Variants in NEK1 observed in about 807,000 individuals in gnomAD.
The protein encoded by NEK1 is NIMA related kinase 1, also known as serine/threonine-protein kinase Nek1.
A neutral mutation model predicts 182.1 loss-of-function variants in NEK1; 137 were observed. That is an observed-to-expected ratio of 0.75 (90% CI 0.65 to 0.87). The LOEUF (loss-of-function observed/expected upper bound fraction) is 0.87. NEK1 is among the 40% of genes least tolerant of loss of function. The pLI, the probability that NEK1 is intolerant of heterozygous loss-of-function variation, is 0.00. For missense variants in NEK1, 1,391 were observed against 1,494.4 expected (o/e 0.93, Z 1.14); for synonymous variants, 513 against 492.2 (o/e 1.04, Z -0.56).
intron 18 of NEK1, among the ~76,000 whole-genome samples, chr4:169,544,386 T>A (rs1056087855): frequency 2.0e-5 from 3 of 152,164 alleles, no homozygotes; most frequent in African/African-American, 7.2e-5. Context: ...TTATTGAGGA[T>A]TTTCGCAACA....
intron 12 of NEK1, among the ~76,000 whole-genome samples, chr4:169,575,705 C>T (rs1022676458): frequency 6.6e-6 from 1 of 152,222 alleles, no homozygotes; most frequent in Non-Finnish European, 1.5e-5. Flanking sequence ...GTTTCGTCAG[C>T]TCCACAGTGG....
intron 2 of NEK1, among the ~76,000 whole-genome samples, chr4:169,608,472 G>C (rs1771763690): frequency 6.6e-6 from 1 of 152,136 alleles, no homozygotes. Flanking sequence ...AGAAATAAAA[G>C]CATAATAGTA....
At chr4:169,420,898 T>C (rs1234938020) in intron 31 of NEK1, among the ~76,000 whole-genome samples, 2 of 152,188 alleles carry the variant, frequency 1.3e-5, no homozygotes, top group African/African-American at 4.8e-5. Flanking sequence ...TAAATGTAAA[T>C]TGTCTAATCA....
chr4:169,543,484 C>T (rs934502875), intron 18 of NEK1, among the ~76,000 whole-genome samples: 13 of 152,150 alleles, frequency 8.5e-5, no homozygotes, highest in African/African-American at 3.1e-4. Flanking sequence ...TTTTTGGTTC[C>T]ATACGAAATT....
chr4:169,443,955 T>G (rs1401676311), intron 27 of NEK1, among the ~76,000 whole-genome samples: 1 of 152,086 alleles, frequency 6.6e-6, no homozygotes, highest in Admixed American at 6.6e-5. Context: ...ACCAAAGCTA[T>G]CCTTCAAAAA....
At position 169,582,778 on chromosome 4, in the gene NEK1, G is replaced by GTA. The variant is rs542419801; in HGVS notation, c.808-1878_808-1877dup. Among the ~76,000 whole-genome samples, 48 of 152,060 alleles carry GTA rather than the reference G, an allele frequency of 3.2e-4. 1 individual carries two copies. The South Asian group carries it at 8.1e-3, about 26-fold the overall frequency. ...GCGCCTATTTGAATTAAAATTTAAG[G>GTA]TATATATATATGAAGCTTTTCAGTT... is the stretch of plus-strand genomic sequence containing the variant. On this transcript the variant is annotated intron_variant, in intron 10 of 35. Coordinates refer to ENST00000507142, the MANE Select transcript of NEK1 (RefSeq NM_001199397.3).
intron 2 of NEK1, among the ~76,000 whole-genome samples, chr4:169,604,361 G>A (rs1237989070): frequency 2.0e-5 from 3 of 152,186 alleles, no homozygotes; most frequent in African/African-American, 7.2e-5. Flanking sequence ...AAAAAAGTGT[G>A]AGAAAGAGTC....
intron 12 of NEK1, among the ~76,000 whole-genome samples, chr4:169,574,413 G>T (rs1580881801): frequency 6.6e-6 from 1 of 151,966 alleles, no homozygotes; most frequent in African/African-American, 2.4e-5. Context: ...GGCTAACATG[G>T]TGAAACCCCG....
In NEK1 at chr4:169,518,853, G is replaced by A. The variant is rs1280596683; in HGVS notation, c.1666-10001C>T. Among the ~76,000 whole-genome samples the A allele has an allele frequency of 2.0e-5, 2 of 100,896 alleles. 1 individual carries two copies. Among genetic ancestry groups the A allele is most frequent in the Non-Finnish European group, 3.8e-5 (2 of 52,866 alleles). The allele number at this position is 100,896 out of a possible 152,430, so 66.2% of individuals were successfully genotyped here. On this transcript the variant is annotated intron_variant, in intron 19 of 35. Coordinates refer to ENST00000507142, the MANE Select transcript of NEK1 (RefSeq NM_001199397.3). ...CTTAATCCTCAGTTCTAGTTTGATT[G>A]CACTGTGGTCTGAGAGAGAGTTTGT...
At chr4:169,423,016 T>C (rs1358155570) in intron 31 of NEK1, among the ~76,000 whole-genome samples, 1 of 152,178 alleles carries the variant, frequency 6.6e-6, no homozygotes, top group Non-Finnish European at 1.5e-5. Flanking sequence ...GGAAATTTAA[T>C]AATCTCTAAA....
intron 23 of NEK1, among the ~76,000 whole-genome samples, chr4:169,496,876 G>C (rs965346356): frequency 3.9e-5 from 6 of 151,956 alleles, no homozygotes; most frequent in African/African-American, 1.5e-4. Flanking sequence ...TTTTTTTGTT[G>C]TGTCTCTGCC....
At position 169,557,123 on chromosome 4, in the gene NEK1, C is replaced by A. The variant is rs1044746093; in HGVS notation, c.1267-1028G>T. On this transcript the variant is annotated intron_variant, in intron 16 of 35. Coordinates refer to ENST00000507142, the MANE Select transcript of NEK1 (RefSeq NM_001199397.3). ...GTAAGTCAATATTATGCATGGTAAG[C>A]AGAAATAAGAAAGTAAGGCAGAGGA... is the stretch of plus-strand genomic sequence containing the variant. Among the ~76,000 whole-genome samples the A allele has an allele frequency of 2.6e-5, 4 of 151,612 alleles. No homozygotes were observed. The South Asian group carries it at 8.4e-4, about 32-fold the overall frequency.
At chr4:169,513,974 T>TTTATTTATTTATTTATTTAA (rs1754644212) in intron 19 of NEK1, among the ~76,000 whole-genome samples, 1 of 147,306 alleles carries the variant, frequency 6.8e-6, no homozygotes, top group African/African-American at 2.6e-5. Context: ...TTGTTATTTA[T>TTTATTTATTTATTTATTTAA]TTATTTATTT....
rs191763877 is a variant in NEK1, at chr4:169,605,546, G to C, written c.-48-2868C>G. ...TAACTGAGCTACTTCCTAGTTGTGA[G>C]ACTTCTCAACTGAATTATAATTCCA... On this transcript the variant is annotated intron_variant, in intron 2 of 35. Coordinates refer to ENST00000507142, the MANE Select transcript of NEK1 (RefSeq NM_001199397.3). Among the ~76,000 whole-genome samples the C allele has an allele frequency of 2.3e-3, 348 of 152,224 alleles. 1 individual carries two copies. Among genetic ancestry groups the C allele is most frequent in the African/African-American group, 8.0e-3 (331 of 41,544 alleles).
intron 23 of NEK1, among the ~76,000 whole-genome samples, chr4:169,479,949 T>C (rs1167077770): frequency 6.6e-6 from 1 of 152,138 alleles, no homozygotes; most frequent in Non-Finnish European, 1.5e-5. Context: ...AGAGCCCTCA[T>C]AAAAATGCCA....
At chr4:169,495,048 C>G (rs1750909470) in intron 23 of NEK1, among the ~76,000 whole-genome samples, 1 of 152,096 alleles carries the variant, frequency 6.6e-6, no homozygotes, top group African/African-American at 2.4e-5. Context: ...GTTGCCTGTT[C>G]ACTCTGATGG....
intron 26 of NEK1, among the ~76,000 whole-genome samples, chr4:169,476,439 G>C (rs1205528206): frequency 1.3e-5 from 2 of 152,114 alleles, no homozygotes; most frequent in African/African-American, 4.8e-5. Flanking sequence ...TTGCTTAAGA[G>C]TGTATTACAT....
intron 23 of NEK1, among the ~76,000 whole-genome samples, chr4:169,483,539 G>C (rs773186851): frequency 3.3e-5 from 5 of 152,142 alleles, no homozygotes; most frequent in Non-Finnish European, 7.4e-5. Context: ...CCATAGTTCA[G>C]TATTATTGAA....
At chr4:169,522,395 C>G (rs1036310070) in intron 19 of NEK1, among the ~76,000 whole-genome samples, 1 of 152,168 alleles carries the variant, frequency 6.6e-6, no homozygotes. Context: ...ATTTCTCACA[C>G]AAATTGTGTT....
Sources: gnomAD v4.1 joint callset for allele counts (sites outside exome capture counted in the v4.1 genomes callset) on GRCh38, gnomAD v4.1.1 for gene constraint, MANE v1.5 for transcripts, NCBI Gene and HGNC (gene_info 2026-07-23, HGNC 2026-07-21) for gene names.